Variants in C8orf58 observed in about 807,000 individuals in gnomAD.
The protein encoded by C8orf58 is uncharacterized protein C8orf58.
In C8orf58, 31 loss-of-function variants were observed where a neutral mutation model predicts 36.8. The ratio of observed to expected loss-of-function variants is 0.84; its 90% CI spans 0.63 to 1.14. The LOEUF is 1.14. Among genes scored for constraint, C8orf58 ranks in the 50% most tolerant of loss-of-function variants. The probability of loss-of-function intolerance (pLI) is 0.00; values close to 1 mark genes in which losing one functional copy is unlikely to be tolerated. For synonymous variants in C8orf58, 230 were observed against 200.2 expected (o/e 1.15, Z -1.26); for missense variants, 538 against 480.8 (o/e 1.12, Z -1.11).
chr8:22,600,923 G>A lies in C8orf58; in HGVS notation c.82G>A (p.Gly28Arg). The A allele has an allele frequency of 6.2e-7, 1 of 1,611,660 alleles. No individual in the cohort carries two copies. The highest frequency in any genetic ancestry group is 8.5e-7 in the Non-Finnish European group (1 of 1,179,850). Residue 28 changes from glycine (G) to arginine (R), a missense_variant, in exon 2 of 7, where the codon GGA becomes AGA. Gly to Arg is a moderately radical substitution (Grantham distance 125). Coordinates refer to ENST00000289989, the MANE Select transcript of C8orf58 (RefSeq NM_001013842.3). ...CCTGGCACGGGGCTGCATAGTGCCTGGAGTCACCAGCACCTACAGACGGAT... is the reference window on the plus strand; with the variant it reads ...CCTGGCACGGGGCTGCATAGTGCCTAGAGTCACCAGCACCTACAGACGGAT... ...EGLARGCIVP[G>R]VTSTYRRIPD...
intron 1 of C8orf58, 123 bp from the exon 2 acceptor site, chr8:22,600,759 G>A: frequency 1.3e-6 from 1 of 790,056 alleles, no homozygotes; most frequent in Non-Finnish European, 2.0e-6. Flanking sequence ...GCCCGTGGCT[G>A]TCCAGTGACC....
At position 22,601,716 on chromosome 8, in the gene C8orf58, G is replaced by A. The variant is rs758813576; in HGVS notation, c.521G>A (p.Gly174Glu). The A allele has an allele frequency of 1.2e-6, 2 of 1,606,844 alleles. No homozygotes were observed. Among genetic ancestry groups the A allele is most frequent in the Non-Finnish European group, 1.7e-6 (2 of 1,177,366 alleles). The change falls in exon 3 of 7, where the codon GGG becomes GAG. Residue 174 changes from glycine to glutamate, a missense_variant. Physicochemically the swap from Gly to Glu is moderately conservative, Grantham distance 98. Transcript: ENST00000289989. ...CTATCTCACAATGTCCCACAGGTGG[G>A]GGGCCTGGGGCCTGGAGCCTGGGCC... ...LEAGLEEEAV[G>E]GLGPGAWACL...
At position 22,602,004 on chromosome 8, in the gene C8orf58, T is replaced by C. The variant is rs756075181; in HGVS notation, c.690T>C (p.Pro230=). 2.4e-5 allele frequency: 37 copies of C among 1,568,224 alleles called. No homozygotes were observed. The highest frequency in any genetic ancestry group is 2.8e-5 in the Non-Finnish European group (32 of 1,153,434). ...DPGEEESTRA[P]LPSPLHTPGN... ...GCGAGGAGGAGTCGACCCGAGCCCC[T>C]TTACCGTCCCCGTTACACACCCCAG... The change falls in exon 4 of 7, where the codon CCT becomes CCC. Residue 230 remains proline (P), a synonymous_variant. Transcript: ENST00000289989.
chr8:22,601,251 C>T lies in C8orf58; in HGVS notation c.410C>T (p.Ser137Phe), dbSNP rs1309027656. Residue 137 changes from serine (S) to phenylalanine (F), a missense_variant, in exon 2 of 7, where the codon TCC (serine) becomes TTC (phenylalanine). By Grantham distance (155) the Ser-to-Phe change is radical. Coordinates refer to ENST00000289989, the MANE Select transcript of C8orf58 (RefSeq NM_001013842.3). ...ACCAGCTTGTCAGGACAACACCGCT[C>T]CCTGCGGCTGGCAAGCAAGCCTGAG... The part of the protein sequence containing the change: ...APTSLSGQHR[S>F]LRLASKPERE... The T allele has an allele frequency of 4.3e-6, 7 of 1,609,970 alleles. No individual in the cohort carries two copies. Among genetic ancestry groups the T allele is most frequent in the Non-Finnish European group, 5.9e-6 (7 of 1,178,426 alleles).
rs577332588 is a variant in C8orf58, at chr8:22,599,834, CCTCT to C, written c.40+78_40+81del. 8.9e-4 allele frequency: 619 copies of C among 698,948 alleles called. 10 individuals carry two copies. The East Asian group carries it at 0.02, about 23-fold the overall frequency. 43.3% of individuals were successfully genotyped at this position (698,948 alleles called of 1,614,324 possible). On this transcript the variant is annotated intron_variant, in intron 1 of 6. Coordinates refer to ENST00000289989, the MANE Select transcript of C8orf58 (RefSeq NM_001013842.3). ...CGCTTCCCGCCCCCAAGCCGGGCACCCTCTCTCAGTTTCTTGCCCAGCCCCGCGC... is the reference window on the plus strand; with the variant it reads ...CGCTTCCCGCCCCCAAGCCGGGCACCCTCAGTTTCTTGCCCAGCCCCGCGC...
chr8:22,601,601 C>G, intron 2 of C8orf58, 111 bp from the exon 3 acceptor site: 1 of 1,332,298 alleles, frequency 7.5e-7, no homozygotes, highest in South Asian at 1.4e-5. Flanking sequence ...GCGTGTGTTC[C>G]TCCTCGGGGC....
Position 22,602,006 on chromosome 8 carries a change from T to C in C8orf58, c.692T>C (p.Leu231Ser). The C allele has an allele frequency of 1.3e-6, 2 of 1,569,578 alleles. No homozygotes were observed. Among genetic ancestry groups the C allele is most frequent in the Non-Finnish European group, 8.7e-7 (1 of 1,154,084 alleles). Reference protein sequence around the residue: ...PGEEESTRAPLPSPLHTPGNR... With the variant: ...PGEEESTRAPSPSPLHTPGNR... ...GAGGAGGAGTCGACCCGAGCCCCTT[T>C]ACCGTCCCCGTTACACACCCCAGGC... The change falls in exon 4 of 7, where the codon TTA becomes TCA. Residue 231 changes from leucine (L) to serine (S), a missense_variant. Physicochemically the swap from Leu to Ser is moderately radical, Grantham distance 145. Coordinates refer to ENST00000289989, the MANE Select transcript of C8orf58 (RefSeq NM_001013842.3).
At position 22,603,974 on chromosome 8, in the gene C8orf58, C is replaced by T. The variant is rs1420961310; in HGVS notation, c.*668C>T. 6.1e-6 allele frequency: 1 copy of T among 164,894 alleles called. No homozygotes were observed. The highest frequency in any genetic ancestry group is 1.3e-5 in the Non-Finnish European group (1 of 74,974). 10.2% of individuals were successfully genotyped at this position (164,894 alleles called of 1,614,324 possible). On this transcript the variant is annotated 3_prime_UTR_variant, in exon 7 of 7. Transcript: ENST00000289989. ...AAAGCCAGTGCTCAGCTTCTCTGCT[C>T]CGTACTAGCGTTTACAGGTCTTAAT...
Position 22,603,349 on chromosome 8 carries a change from C to G in C8orf58, c.*43C>G. The G allele has an allele frequency of 1.5e-6, 2 of 1,376,220 alleles. No homozygotes were observed. The highest frequency in any genetic ancestry group is 2.1e-6 in the Non-Finnish European group (2 of 963,494). The allele number at this position is 1,376,220 out of a possible 1,614,324, so 85.3% of individuals were successfully genotyped here. ...GGTGACCCTGGGTGGAGGGGACTTGCTGTGAAGTCTTCCTCGCCCTCTGCC... is the reference window on the plus strand; with the variant it reads ...GGTGACCCTGGGTGGAGGGGACTTGGTGTGAAGTCTTCCTCGCCCTCTGCC... On this transcript the variant is annotated 3_prime_UTR_variant, in exon 7 of 7. Coordinates refer to ENST00000289989, the MANE Select transcript of C8orf58 (RefSeq NM_001013842.3).
rs552104471 is a variant in C8orf58, at chr8:22,602,962, C to T, written c.987-233C>T. 2.5e-5 allele frequency: 15 copies of T among 593,394 alleles called. No individual in the cohort carries two copies. The African/African-American group carries it at 2.6e-4, about 10-fold the overall frequency. 36.8% of individuals were successfully genotyped at this position (593,394 alleles called of 1,614,324 possible). ...TGACATTTAGGCCACCTTCCAGGTTCGTGGGGAGAGCAAGGTGGAGCACAA... is the reference window on the plus strand; with the variant it reads ...TGACATTTAGGCCACCTTCCAGGTTTGTGGGGAGAGCAAGGTGGAGCACAA... On this transcript the variant is annotated intron_variant, in intron 6 of 6. Transcript: ENST00000289989.
At chr8:22,599,964 G>A in intron 1 of C8orf58, 1 of 363,412 alleles carries the variant, frequency 2.8e-6, no homozygotes, top group Non-Finnish European at 4.9e-6. Flanking sequence ...TTTGGGCCCA[G>A]GCGTTAAACC....
intron 1 of C8orf58, 96 bp from the exon 2 acceptor site, chr8:22,600,786 C>T: frequency 9.2e-7 from 1 of 1,083,312 alleles, no homozygotes; most frequent in East Asian, 2.6e-5. Flanking sequence ...CCTCACTGCT[C>T]CGGGACACTT....
Position 22,603,551 on chromosome 8 carries a change from C to A in C8orf58, c.*245C>A, listed in dbSNP as rs1484494940. 3 of 559,008 alleles carry A rather than the reference C, an allele frequency of 5.4e-6. No homozygotes were observed. Among genetic ancestry groups the A allele is most frequent in the Non-Finnish European group, 9.7e-6 (3 of 310,576 alleles). 34.6% of individuals were successfully genotyped at this position (559,008 alleles called of 1,614,324 possible). On this transcript the variant is annotated 3_prime_UTR_variant, in exon 7 of 7. Coordinates refer to ENST00000289989, the MANE Select transcript of C8orf58 (RefSeq NM_001013842.3). ...CTCCTCACCAGAAATCCCTGGGCTTCCACAATGTGAACTCACTCATTGTCA... is the reference window on the plus strand; with the variant it reads ...CTCCTCACCAGAAATCCCTGGGCTTACACAATGTGAACTCACTCATTGTCA...
rs1003143666 is a variant in C8orf58, at chr8:22,603,884, G to A, written c.*578G>A. ...CTGCCTCTGCATGGAATCTTGCCCCGGACTCCTGAAGACTGCACAAGGAAT... is the reference window on the plus strand; with the variant it reads ...CTGCCTCTGCATGGAATCTTGCCCCAGACTCCTGAAGACTGCACAAGGAAT... On this transcript the variant is annotated 3_prime_UTR_variant, in exon 7 of 7. Transcript: ENST00000289989. 9.4e-5 allele frequency: 18 copies of A among 191,426 alleles called. 1 individual carries two copies. Among genetic ancestry groups the A allele is most frequent in the Admixed American group, 4.8e-4 (9 of 18,700 alleles). 11.9% of individuals were successfully genotyped at this position (191,426 alleles called of 1,614,324 possible). A position where few individuals can be genotyped will look rare whatever the true frequency, so the allele number is the denominator to read the frequency against.
rs1034536103 is a variant in C8orf58 at position 22,603,584 on chromosome 8, G to A, written c.*278G>A. 2.3e-4 allele frequency: 117 copies of A among 503,664 alleles called. 1 individual carries two copies. Among genetic ancestry groups the A allele is most frequent in the South Asian group, 2.2e-3 (109 of 49,408 alleles). 31.2% of individuals were successfully genotyped at this position (503,664 alleles called of 1,614,324 possible). A position where few individuals can be genotyped will look rare whatever the true frequency, so the allele number is the denominator to read the frequency against. On this transcript the variant is annotated 3_prime_UTR_variant, in exon 7 of 7. Coordinates refer to ENST00000289989, the MANE Select transcript of C8orf58 (RefSeq NM_001013842.3). ...TGAACTCACTCATTGTCAGGTGTCC[G>A]TGGAGTGTTTTTGGCATGGTGACCT...
In C8orf58 at chr8:22,601,216, A is replaced by G; in HGVS notation, c.375A>G (p.Pro125=). ...GEVLERSRRL[P]TAPTSLSGQH... is the part of the protein sequence containing the mutation. ...TGTTGGAGCGGTCCCGCCGGCTCCC[A>G]ACAGCTCCCACCAGCTTGTCAGGAC... Residue 125 remains proline, a synonymous_variant, in exon 2 of 7, where the codon CCA becomes CCG. Transcript: ENST00000289989. 6.2e-7 allele frequency: 1 copy of G among 1,609,952 alleles called. No individual in the cohort carries two copies. Among genetic ancestry groups the G allele is most frequent in the Non-Finnish European group, 8.5e-7 (1 of 1,178,840 alleles).
At position 22,602,073 on chromosome 8, in the gene C8orf58, G is replaced by GCACACAGGTGAGGGGCCATCGT; in HGVS notation, c.760_766+15dup. ...CATGGGAGCTGCTAAGCCAGACAGA[G>GCACACAGGTGAGGGGCCATCGT]CACACAGGTGAGGGGCCATCGTGTC... On this transcript the variant is annotated frameshift_variant, in exon 4 of 7. Transcript: ENST00000289989. LOFTEE classifies it high-confidence loss of function. 6.4e-7 allele frequency: 1 copy of GCACACAGGTGAGGGGCCATCGT among 1,570,548 alleles called. No individual in the cohort carries two copies. Among genetic ancestry groups the GCACACAGGTGAGGGGCCATCGT allele is most frequent in the East Asian group, 2.4e-5 (1 of 42,278 alleles).
intron 5 of C8orf58, 99 bp downstream of exon 5, chr8:22,602,411 A>G (rs1800893027): frequency 2.3e-6 from 3 of 1,307,064 alleles, no homozygotes; most frequent in South Asian, 2.5e-5. Flanking sequence ...CTCTGGGGAA[A>G]TGACAGGATT....
In C8orf58 at chr8:22,599,706, G is replaced by A. The variant is rs905414080; in HGVS notation, c.-15G>A. On this transcript the variant is annotated 5_prime_UTR_variant, in exon 1 of 7. Coordinates refer to ENST00000289989, the MANE Select transcript of C8orf58 (RefSeq NM_001013842.3). ...GGGCGGCTGCATTGGCCGGGGCCGG[G>A]GCCGGGAGCGGGCCATGATGGGCCG... is the stretch of plus-strand genomic sequence containing the variant. The A allele has an allele frequency of 1.6e-6, 2 of 1,212,128 alleles. No homozygotes were observed. The highest frequency in any genetic ancestry group is 8.7e-5 in the Admixed American group (2 of 23,088). 75.1% of individuals were successfully genotyped at this position (1,212,128 alleles called of 1,614,324 possible).
Sources: allele counts gnomAD v4.1 joint callset, GRCh38; gene constraint gnomAD v4.1.1; transcripts MANE v1.5; gene names NCBI Gene and HGNC (gene_info 2026-07-23, HGNC 2026-07-21).